The following HS6ST3 variants were observed in gnomAD, a reference collection of about 807,000 sequenced individuals.
HS6ST3 encodes the protein heparan sulfate 6-O-sulfotransferase 3.
A neutral mutation model predicts 36.7 loss-of-function variants in HS6ST3; 12 were observed. The ratio of observed to expected loss-of-function variants is 0.33; its 90% confidence interval spans 0.21 to 0.53. HS6ST3 has a LOEUF of 0.53. Ranked by LOEUF, HS6ST3 falls within the 20% of genes least tolerant of loss-of-function variation. The pLI, the probability that HS6ST3 is intolerant of heterozygous loss-of-function variation, is 0.95. For missense variants in HS6ST3, 584 were observed against 640.9 expected (o/e 0.91, Z 0.96); for synonymous variants, 240 against 257.5 (o/e 0.93, Z 0.65).
At position 96,838,986 on chromosome 13, in the gene HS6ST3, G is replaced by C. The variant is rs924763180; in HGVS notation, c.*5788G>C. The C allele has an allele frequency of 2.2e-4, 34 of 152,196 alleles. No individual in the cohort carries two copies. The highest frequency in any genetic ancestry group is 7.7e-4 in the African/African-American group (32 of 41,448). 9.4% of individuals were successfully genotyped at this position (152,196 alleles called of 1,614,324 possible). On this transcript the variant is annotated 3_prime_UTR_variant, in exon 2 of 2. Transcript: ENST00000376705. The stretch of plus-strand genomic sequence containing the variant: ...GGTGTCTCTTGAGCCTGTGTTCCAA[G>C]ATGTCTGTGGAAAGGATTGCAACTG...
chr13:96,366,329 T>G (rs2139438185), intron 1 of HS6ST3, among the ~76,000 whole-genome samples: 1 of 152,156 alleles, frequency 6.6e-6, no homozygotes, highest in East Asian at 1.9e-4. Flanking sequence ...AAAAATTAGC[T>G]GAGCGTGATG....
intron 1 of HS6ST3, among the ~76,000 whole-genome samples, chr13:96,410,149 C>T (rs2139461609): frequency 6.6e-6 from 1 of 152,112 alleles, no homozygotes; most frequent in African/African-American, 2.4e-5. Flanking sequence ...TTACAGCTTC[C>T]ATAAAGCAAA....
intron 1 of HS6ST3, among the ~76,000 whole-genome samples, chr13:96,438,339 G>C (rs562626123): frequency 1.3e-5 from 2 of 152,290 alleles, no homozygotes; most frequent in African/African-American, 4.8e-5. Context: ...CTTAGATTCT[G>C]ACATAGTGTT....
chr13:96,117,299 G>C (rs2053898285), intron 1 of HS6ST3, among the ~76,000 whole-genome samples: 1 of 152,076 alleles, frequency 6.6e-6, no homozygotes, highest in Non-Finnish European at 1.5e-5. Context: ...ATTGTAAGAT[G>C]CCCCCTATGG....
chr13:96,649,713 T>C (rs2056601006), intron 1 of HS6ST3, among the ~76,000 whole-genome samples: 1 of 151,966 alleles, frequency 6.6e-6, no homozygotes, highest in African/African-American at 2.4e-5. Flanking sequence ...GAGTCTCCCG[T>C]TTTTTATCCT....
chr13:96,519,123 TC>T (rs1352002704), intron 1 of HS6ST3, among the ~76,000 whole-genome samples: 1 of 152,216 alleles, frequency 6.6e-6, no homozygotes. Context: ...GAGTTCATTC[TC>T]TTTGCTTTCA....
chr13:96,160,775 T>C (rs766875513), intron 1 of HS6ST3, among the ~76,000 whole-genome samples: 2 of 152,174 alleles, frequency 1.3e-5, no homozygotes, highest in Admixed American at 6.5e-5. Context: ...GGGTGTACAA[T>C]CTGATGGGGC....
intron 1 of HS6ST3, among the ~76,000 whole-genome samples, chr13:96,459,100 TAAAAAAAAAAA>T (rs747439262): frequency 1.3e-4 from 8 of 63,882 alleles, no homozygotes; most frequent in Non-Finnish European, 1.3e-4. Flanking sequence ...CAAGACTGTC[TAAAAAAAAAAA>T]AAAAAAAAAA....
chr13:96,349,856 A>G (rs901196538), intron 1 of HS6ST3, among the ~76,000 whole-genome samples: 1 of 152,228 alleles, frequency 6.6e-6, no homozygotes, highest in Admixed American at 6.5e-5. Flanking sequence ...GTTGGTGTAA[A>G]TGTTGACTGC....
intron 1 of HS6ST3, among the ~76,000 whole-genome samples, chr13:96,100,808 G>A (rs2053814761): frequency 6.6e-6 from 1 of 152,218 alleles, no homozygotes; most frequent in South Asian, 2.1e-4. Context: ...CCAGTGATGG[G>A]AGGGATGAAA....
intron 1 of HS6ST3, among the ~76,000 whole-genome samples, chr13:96,545,843 C>T (rs1432964452): frequency 1.3e-5 from 2 of 152,072 alleles, no homozygotes; most frequent in South Asian, 2.1e-4. Context: ...AGAGGTAGAA[C>T]GTTAGCTGGG....
In HS6ST3 at chr13:96,569,744, T is replaced by G. The variant is rs1404194719; in HGVS notation, c.708-262746T>G. Among the ~76,000 whole-genome samples, 2 of 152,208 alleles carry G rather than the reference T, an allele frequency of 1.3e-5. 1 individual carries two copies. Among genetic ancestry groups the G allele is most frequent in the East Asian group, 3.8e-4 (2 of 5,196 alleles). Reference sequence around the variant, plus strand: ...AGCTGAAAGGAAATAAAGACCAATTTGTCTAGCCCATTTCTTTAAATAGGG... The same window carrying G: ...AGCTGAAAGGAAATAAAGACCAATTGGTCTAGCCCATTTCTTTAAATAGGG... On this transcript the variant is annotated intron_variant, in intron 1 of 1. Coordinates refer to ENST00000376705, the MANE Select transcript of HS6ST3 (RefSeq NM_153456.4).
chr13:96,676,439 TGAC>T (rs1288154789), intron 1 of HS6ST3, among the ~76,000 whole-genome samples: 3 of 152,110 alleles, frequency 2.0e-5, no homozygotes, highest in African/African-American at 7.2e-5. Flanking sequence ...ACACCATCAT[TGAC>T]ATACCCAGTA....
At chr13:96,806,881 T>C (rs1024667869) in intron 1 of HS6ST3, among the ~76,000 whole-genome samples, 1 of 152,220 alleles carries the variant, frequency 6.6e-6, no homozygotes, top group African/African-American at 2.4e-5. Context: ...CAAGTCTGTA[T>C]CTTCACCTGG....
intron 1 of HS6ST3, among the ~76,000 whole-genome samples, chr13:96,218,349 T>G (rs78835592): frequency 6.6e-6 from 1 of 152,034 alleles, no homozygotes; most frequent in South Asian, 2.1e-4. Context: ...AGTGGGAAGC[T>G]GGGGGGCAAG....
At chr13:96,586,270 A>G (rs1273672618) in intron 1 of HS6ST3, among the ~76,000 whole-genome samples, 2 of 151,944 alleles carry the variant, frequency 1.3e-5, no homozygotes, top group African/African-American at 4.8e-5. Flanking sequence ...GACATTCAGC[A>G]TATTTAATAT....
At chr13:96,345,927 C>T (rs1051941951) in intron 1 of HS6ST3, among the ~76,000 whole-genome samples, 1 of 152,218 alleles carries the variant, frequency 6.6e-6, no homozygotes, top group African/African-American at 2.4e-5. Flanking sequence ...CTGTCCTGGG[C>T]TGCAGGTGGC....
intron 1 of HS6ST3, among the ~76,000 whole-genome samples, chr13:96,717,594 G>A (rs1875732745): frequency 6.6e-6 from 1 of 152,190 alleles, no homozygotes; most frequent in African/African-American, 2.4e-5. Flanking sequence ...ATACAGCATA[G>A]CTATTCGTTA....
intron 1 of HS6ST3, among the ~76,000 whole-genome samples, chr13:96,548,827 C>A (rs1408467853): frequency 6.6e-6 from 1 of 152,132 alleles, no homozygotes; most frequent in Non-Finnish European, 1.5e-5. Flanking sequence ...ACTTTCAGCT[C>A]ACCCACGTGA....
Sources: gnomAD v4.1 joint callset for allele counts (sites outside exome capture counted in the v4.1 genomes callset) on GRCh38, gnomAD v4.1.1 for gene constraint, MANE v1.5 for transcripts, NCBI Gene and HGNC (gene_info 2026-07-23, HGNC 2026-07-21) for gene names.